The following CHRM3 variants were observed in gnomAD, a reference collection of about 807,000 sequenced individuals.
CHRM3 encodes the protein muscarinic acetylcholine receptor M3.
Under a neutral mutation model 41.8 loss-of-function variants are expected in CHRM3, and 11 were observed. The ratio of observed to expected loss-of-function variants is 0.26; its 90% CI spans 0.17 to 0.44. The LOEUF is 0.44. Ranked by LOEUF, CHRM3 falls within the 20% of genes least tolerant of loss-of-function variation. The pLI is 1.00. For missense variants in CHRM3, 571 were observed against 745.4 expected, an observed-to-expected ratio of 0.77 and a Z score of 2.72; for synonymous variants, 297 against 301.4, an observed-to-expected ratio of 0.99 and a Z score of 0.15.
Position 239,748,283 on chromosome 1 carries a change from A to G in CHRM3, c.-147+69995A>G, listed in dbSNP as rs2148556403. Among the ~76,000 whole-genome samples the G allele has an allele frequency of 6.6e-6, 1 of 152,266 alleles. No homozygotes were observed. Among genetic ancestry groups the G allele is most frequent in the East Asian group, 1.9e-4 (1 of 5,176 alleles). On this transcript the variant is annotated intron_variant, in intron 5 of 6. Coordinates refer to ENST00000676153, the MANE Select transcript of CHRM3 (RefSeq NM_001375978.1). This position sits in a 1 kb window ranked among gnomAD's most constrained non-coding sequence, Gnocchi z 4.3. ...CATTAATTCTCATTATGGGATTCAC[A>G]TTCCTCATTTTTTGTTTCCTTTTGG...
intron 6 of CHRM3, among the ~76,000 whole-genome samples, chr1:239,846,714 A>G (rs958798456): frequency 5.3e-5 from 8 of 152,204 alleles, no homozygotes; most frequent in African/African-American, 1.9e-4. Context: ...TGATCATGTA[A>G]GTTTGGGAAA....
In CHRM3 at chr1:239,908,696, C is replaced by A. The variant is rs201501580; in HGVS notation, c.1245C>A (p.Asp415Glu). 1.2e-6 allele frequency: 2 copies of A among 1,612,834 alleles called. No homozygotes were observed. Among genetic ancestry groups the A allele is most frequent in the South Asian group, 1.1e-5 (1 of 90,758 alleles). ...AGCTGCAGGCCCAGAAGAGCGTGGA[C>A]GATGGAGGCAGTTTTCCAAAAAGCT... ...ADKLQAQKSVDDGGSFPKSFS... is the reference protein window; with the variant it reads ...ADKLQAQKSVEDGGSFPKSFS... Residue 415 changes from aspartate to glutamate, a missense_variant, in exon 7 of 7, where the codon GAC (aspartate) becomes GAA (glutamate). Physicochemically the swap from Asp to Glu is conservative, Grantham distance 45 (BLOSUM62 2). Transcript: ENST00000676153. The surrounding 1 kb of genome is among the most constrained non-coding windows in gnomAD (Gnocchi z 7.2).
chr1:239,878,190 T>A (rs921694102), intron 6 of CHRM3, among the ~76,000 whole-genome samples: 1 of 152,052 alleles, frequency 6.6e-6, no homozygotes, highest in African/African-American at 2.4e-5. Context: ...TAATATATAA[T>A]GAAATAATTA....
At chr1:239,711,037 A>C (rs577755402) in intron 5 of CHRM3, among the ~76,000 whole-genome samples, 12 of 152,210 alleles carry the variant, frequency 7.9e-5, no homozygotes, top group African/African-American at 2.6e-4. Flanking sequence ...ACCTCCCCAC[A>C]ATACCGCCCT....
intron 3 of CHRM3, among the ~76,000 whole-genome samples, chr1:239,587,949 A>G (rs1663595049): frequency 1.3e-5 from 2 of 152,098 alleles, no homozygotes; most frequent in Non-Finnish European, 2.9e-5. Flanking sequence ...TTCTGATTTT[A>G]TTTTCTTTTA....
At chr1:239,887,129 C>A (rs977035462) in intron 6 of CHRM3, among the ~76,000 whole-genome samples, 2 of 151,906 alleles carry the variant, frequency 1.3e-5, no homozygotes, top group South Asian at 4.2e-4. Flanking sequence ...AATCCACTTT[C>A]TTCTTCTTTT....
intron 6 of CHRM3, among the ~76,000 whole-genome samples, chr1:239,906,069 G>T (rs1031616495): frequency 2.6e-5 from 4 of 152,294 alleles, no homozygotes; most frequent in African/African-American, 9.6e-5. Context: ...TGGACTCAAA[G>T]AAGTTAAATA....
chr1:239,555,883 T>C (rs909864800), intron 3 of CHRM3, among the ~76,000 whole-genome samples: 2 of 152,332 alleles, frequency 1.3e-5, no homozygotes, highest in Non-Finnish European at 2.9e-5. Flanking sequence ...GGAGCTCACC[T>C]GTCCTGCATC....
At position 239,709,344 on chromosome 1, in the gene CHRM3, C is replaced by T. The variant is rs79984185; in HGVS notation, c.-147+31056C>T. 1.3e-3 allele frequency among the ~76,000 whole-genome samples: 192 copies of T among 152,270 alleles called. 4 individuals are homozygous for T. The East Asian group carries it at 0.03, about 24-fold the overall frequency. The stretch of plus-strand genomic sequence containing the variant: ...TGGTTCTAATGCCTCCACCTTGAGG[C>T]GGATTTTACCGACCGCCGTGTCTAA... On this transcript the variant is annotated intron_variant, in intron 5 of 6. Transcript: ENST00000676153.
intron 1 of CHRM3, among the ~76,000 whole-genome samples, chr1:239,432,543 G>T (rs1474524633): frequency 6.6e-6 from 1 of 152,080 alleles, no homozygotes; most frequent in Non-Finnish European, 1.5e-5. Context: ...TGCTAATTTG[G>T]GCTTACACTG....
At chr1:239,675,860 TGGGA>T (rs1657951691) in intron 4 of CHRM3, among the ~76,000 whole-genome samples, 2 of 152,034 alleles carry the variant, frequency 1.3e-5, no homozygotes, top group Non-Finnish European at 1.5e-5. Context: ...AAAGAAAACA[TGGGA>T]GGGAGGGAAA....
intron 2 of CHRM3, among the ~76,000 whole-genome samples, chr1:239,544,316 C>T (rs1403911235): frequency 2.0e-5 from 3 of 152,092 alleles, no homozygotes; most frequent in Non-Finnish European, 4.4e-5. Flanking sequence ...TAGGAAGGTG[C>T]GTAGATGGAA....
At chr1:239,885,352 G>A (rs10802811) in intron 6 of CHRM3, among the ~76,000 whole-genome samples, 35,234 of 152,038 alleles carry the variant, frequency 0.23, 4,988 homozygotes, top group South Asian at 0.35. Context: ...TCCGGAGTAC[G>A]GTCCAAAAAT....
intron 4 of CHRM3, among the ~76,000 whole-genome samples, chr1:239,644,888 G>T (rs924003216): frequency 1.3e-5 from 2 of 152,164 alleles, no homozygotes; most frequent in African/African-American, 4.8e-5. Flanking sequence ...GTATTGGCCT[G>T]ACGTGAAGAC....
At chr1:239,812,597 G>T (rs1361233990) in intron 5 of CHRM3, among the ~76,000 whole-genome samples, 3 of 152,146 alleles carry the variant, frequency 2.0e-5, no homozygotes, top group Admixed American at 2.0e-4. Context: ...TCTGTGTAAG[G>T]CTGACTTACA....
At chr1:239,461,058 G>A (rs1466385267) in intron 1 of CHRM3, among the ~76,000 whole-genome samples, 1 of 152,092 alleles carries the variant, frequency 6.6e-6, no homozygotes, top group Non-Finnish European at 1.5e-5. Flanking sequence ...TCTTCTAAGA[G>A]CCAACATGAC....
At position 239,618,706 on chromosome 1, in the gene CHRM3, T is replaced by A. The variant is rs377537635; in HGVS notation, c.-312-13518T>A. ...AAAAATACAAAAAATTAGCTGGGCGTGGTGGCAGCCACCTGTAGTCCCAGC... is the reference window on the plus strand; with the variant it reads ...AAAAATACAAAAAATTAGCTGGGCGAGGTGGCAGCCACCTGTAGTCCCAGC... On this transcript the variant is annotated intron_variant, in intron 3 of 6. Transcript: ENST00000676153. Among the ~76,000 whole-genome samples the A allele has an allele frequency of 2.0e-4, 30 of 150,554 alleles. No homozygotes were observed. In the East Asian group the frequency reaches 2.5e-3, roughly 12 times the overall value.
chr1:239,594,311 C>G (rs1221734613), intron 3 of CHRM3, among the ~76,000 whole-genome samples: 1 of 152,142 alleles, frequency 6.6e-6, no homozygotes, highest in Admixed American at 6.5e-5. Flanking sequence ...AAGCTTTTCC[C>G]CAAATAGGTT....
chr1:239,726,150 G>T (rs2148380858), intron 5 of CHRM3, among the ~76,000 whole-genome samples: 1 of 151,982 alleles, frequency 6.6e-6, no homozygotes, highest in Middle Eastern at 3.4e-3. Flanking sequence ...AACCGCCAAG[G>T]CCCTTTTCTG....
Sources: allele counts gnomAD v4.1 joint callset (sites outside exome capture counted in the v4.1 genomes callset), GRCh38; gene constraint gnomAD v4.1.1; non-coding constraint Gnocchi (gnomAD v3.1); transcripts MANE v1.5; gene names NCBI Gene and HGNC (gene_info 2026-07-23, HGNC 2026-07-21).